IDUA: variants seen among roughly 807,000 people sequenced by gnomAD.
IDUA encodes the protein alpha-L-iduronidase.
In IDUA, 65 loss-of-function variants were observed where a neutral mutation model predicts 68.9. That is an observed-to-expected ratio of 0.94 (90% CI 0.77 to 1.16). The LOEUF is 1.16. IDUA is among the 50% of genes most tolerant of loss of function. The pLI is 0.00. For synonymous variants in IDUA, 529 were observed against 433.6 expected, an observed-to-expected ratio of 1.22 and a Z score of -2.73; for missense variants, 1,046 against 938.0, an observed-to-expected ratio of 1.12 and a Z score of -1.50.
intron 2 of IDUA, chr4:991,035 C>A: frequency 7.7e-7 from 1 of 1,295,420 alleles, no homozygotes; most frequent in Non-Finnish European, 1.0e-6. Flanking sequence ...CTCTGCCAAC[C>A]CTGTGCTTGC....
At chr4:1,003,233 C>A in intron 10 of IDUA, 76 bp downstream of exon 10, 5 of 1,280,556 alleles carry the variant, frequency 3.9e-6, no homozygotes, top group Non-Finnish European at 4.9e-6. Context: ...GCGGGGGCTC[C>A]GAGGCGGTGT....
At chr4:1,000,756 TCCCTCACCCAGC>T in intron 3 of IDUA, 59 bp downstream of exon 3, 10 of 1,459,670 alleles carry the variant, frequency 6.9e-6, no homozygotes, top group Non-Finnish European at 5.8e-6. Context: ...GCCCACCCTC[TCCCTCACCCAGC>T]CCCTCTGAGT....
chr4:1,001,121 G>A, intron 4 of IDUA, 132 bp downstream of exon 4: 1 of 712,650 alleles, frequency 1.4e-6, no homozygotes, highest in Non-Finnish European at 2.4e-6. Flanking sequence ...GTGGGGGGAT[G>A]GGGGTGACAA....
chr4:1,003,745 C>G, intron 12 of IDUA, 120 bp downstream of exon 12: 3 of 1,136,608 alleles, frequency 2.6e-6, no homozygotes, highest in Non-Finnish European at 3.9e-6. Context: ...CCTCCCTCGC[C>G]GCCCTGCGTC....
intron 6 of IDUA, 24 bp downstream of exon 6, chr4:1,001,905 C>G: frequency 6.4e-7 from 1 of 1,571,090 alleles, no homozygotes; most frequent in Middle Eastern, 1.7e-4. Flanking sequence ...CTCCGTCCGC[C>G]CCGGTGTTCT....
chr4:989,265 G>C, intron 2 of IDUA: 1 of 1,612,710 alleles, frequency 6.2e-7, no homozygotes, highest in Non-Finnish European at 8.5e-7. Flanking sequence ...TGAGGCTGTA[G>C]AGTGACTGCA....
rs763167239 is a variant in IDUA at position 987,979 on chromosome 4, A to G, written c.299+30A>G. 6 of 1,547,746 alleles carry G rather than the reference A, an allele frequency of 3.9e-6. No homozygotes were observed. The South Asian group carries it at 7.1e-5, about 18-fold the overall frequency. On this transcript the variant is annotated intron_variant, in intron 2 of 13. Transcript: ENST00000514224. ...GCGGCGGGCAGGGTCTGGGCGTCCC[A>G]GAGCCCCTTACAGAGGCACAGATGG... is the stretch of plus-strand genomic sequence containing the variant.
chr4:987,273 G>A (rs1298653109), intron 1 of IDUA, 31 bp downstream of exon 1: 7 of 1,509,284 alleles, frequency 4.6e-6, no homozygotes, highest in Non-Finnish European at 6.2e-6. Flanking sequence ...GGGACCCCCT[G>A]GCCGCACGGG....
chr4:1,001,748 G>A lies in IDUA; in HGVS notation c.659G>A (p.Gly220Asp), dbSNP rs1362102709. 1.1e-5 allele frequency: 17 copies of A among 1,597,642 alleles called. No homozygotes were observed. Among genetic ancestry groups the A allele is most frequent in the Non-Finnish European group, 1.4e-5 (17 of 1,177,470 alleles). Residue 220 changes from glycine to aspartate, a missense_variant, in exon 6 of 14, where the codon GGC (glycine) becomes GAC (aspartate). Physicochemically the swap from Gly to Asp is moderately conservative, Grantham distance 94. Transcript: ENST00000514224. ...RAASPALRLG[G>D]PGDSFHTPPR... is the part of the protein sequence containing the mutation. ...GCCAGCCCCGCCCTGCGGCTGGGAGGCCCCGGCGACTCCTTCCACACCCCA... is the reference window on the plus strand; with the variant it reads ...GCCAGCCCCGCCCTGCGGCTGGGAGACCCCGGCGACTCCTTCCACACCCCA...
intron 2 of IDUA, among the ~76,000 whole-genome samples, chr4:996,788 G>C (rs1036108647): frequency 1.3e-5 from 2 of 152,148 alleles, no homozygotes; most frequent in African/African-American, 4.8e-5. Flanking sequence ...GCCAGGCCCA[G>C]AGGCTGAGTG....
intron 2 of IDUA, chr4:989,743 A>G: frequency 6.4e-7 from 1 of 1,557,258 alleles, no homozygotes; most frequent in Non-Finnish European, 8.7e-7. Flanking sequence ...GCTCTTGGCC[A>G]GGGCGGCGCT....
At position 1,000,866 on chromosome 4, in the gene IDUA, C is replaced by T; in HGVS notation, c.386-16C>T. 2 of 1,604,202 alleles carry T rather than the reference C, an allele frequency of 1.2e-6. No individual in the cohort carries two copies. Among genetic ancestry groups the T allele is most frequent in the Non-Finnish European group, 1.7e-6 (2 of 1,171,744 alleles). ...TGGTGTGTGGTGGGCGGTGGGGCAG[C>T]CCTCCTGTGTTCCAGGGTTTGAGCT... On this transcript the variant is annotated splice_polypyrimidine_tract_variant and intron_variant, in intron 3 of 13. Coordinates refer to ENST00000514224, the MANE Select transcript of IDUA (RefSeq NM_000203.5).
intron 2 of IDUA, among the ~76,000 whole-genome samples, chr4:994,354 G>C (rs544460416): frequency 8.0e-5 from 12 of 150,834 alleles, no homozygotes; most frequent in Non-Finnish European, 1.2e-4. Context: ...CGGCTCACTG[G>C]AAGCTCTGCC....
chr4:1,002,891 C>G lies in IDUA; in HGVS notation c.1349C>G (p.Pro450Arg), dbSNP rs895626490. 104 of 1,424,264 alleles carry G rather than the reference C, an allele frequency of 7.3e-5. No homozygotes were observed. Among genetic ancestry groups the G allele is most frequent in the Non-Finnish European group, 8.7e-5 (95 of 1,095,158 alleles). 88.2% of individuals were successfully genotyped at this position (1,424,264 alleles called of 1,614,324 possible). A position where few individuals can be genotyped will look rare whatever the true frequency, so the allele number is the denominator to read the frequency against. Residue 450 changes from proline to arginine, a missense_variant, in exon 9 of 14, where the codon CCC becomes CGC. Pro to Arg is a moderately radical substitution (Grantham distance 103). Coordinates refer to ENST00000514224, the MANE Select transcript of IDUA (RefSeq NM_000203.5). ...IYASDDTRAH[P>R]NRSVAVTLRL... ...GCGAGCGACGACACCCGCGCCCACC[C>G]CAACCGCAGCGTCGCGGTGACCCTG...
At chr4:989,273 G>A (rs773957499) in intron 2 of IDUA, 21 of 1,612,564 alleles carry the variant, frequency 1.3e-5, no homozygotes, top group South Asian at 8.8e-5. Flanking sequence ...TAGAGTGACT[G>A]CAGGAAGAAG....
At chr4:1,002,512 G>A (rs1715158007) in intron 8 of IDUA, 27 bp downstream of exon 8, 1 of 1,480,884 alleles carries the variant, frequency 6.8e-7, no homozygotes. Context: ...GGGGTGGGCC[G>A]GCCAGGGCCC....
intron 2 of IDUA, among the ~76,000 whole-genome samples, chr4:999,519 C>G (rs188924215): frequency 6.6e-6 from 1 of 152,378 alleles, no homozygotes; most frequent in African/African-American, 2.4e-5. Flanking sequence ...AGAGAGGTCC[C>G]TCGCTGACCA....
At position 994,583 on chromosome 4, in the gene IDUA, A is replaced by G. The variant is rs1336643723; in HGVS notation, c.300-6029A>G. Reference sequence around the variant, plus strand: ...CTCCCGAGTAGCTGGGACTACAGGCACCCGCCACCACGCCCGGCTAATTTT... The same window carrying G: ...CTCCCGAGTAGCTGGGACTACAGGCGCCCGCCACCACGCCCGGCTAATTTT... On this transcript the variant is annotated intron_variant, in intron 2 of 13. Transcript: ENST00000514224. Among the ~76,000 whole-genome samples the G allele has an allele frequency of 2.7e-3, 402 of 147,804 alleles. 5 individuals carry two copies. The highest frequency in any genetic ancestry group is 9.0e-3 in the African/African-American group (361 of 39,984).
At chr4:995,413 T>C (rs1184796630) in intron 2 of IDUA, among the ~76,000 whole-genome samples, 11 of 151,612 alleles carry the variant, frequency 7.3e-5, no homozygotes, top group Non-Finnish European at 1.3e-4. Context: ...CAGTGAGTAC[T>C]GGGTGGGAGC....
Sources: allele counts gnomAD v4.1 joint callset (sites outside exome capture counted in the v4.1 genomes callset), GRCh38; gene constraint gnomAD v4.1.1; transcripts MANE v1.5; gene names NCBI Gene and HGNC (gene_info 2026-07-23, HGNC 2026-07-21).